The following RAB2B variants were observed in gnomAD, a reference collection of about 807,000 sequenced individuals.
The protein encoded by RAB2B is RAB2B, member RAS oncogene family.
In RAB2B, 20 loss-of-function variants were observed where a neutral mutation model predicts 29.8. The ratio of observed to expected loss-of-function variants is 0.67; its 90% CI spans 0.47 to 0.97. RAB2B has a LOEUF of 0.97. Among genes scored for constraint, RAB2B ranks in the 50% least tolerant of loss-of-function variants. The pLI, the probability that RAB2B is intolerant of heterozygous loss-of-function variation, is 0.00. For missense variants in RAB2B, 218 were observed against 272.0 expected (o/e 0.80, Z 1.40); for synonymous variants, 93 against 91.7 (o/e 1.01, Z -0.08).
chr14:21,468,603 GAAAAA>G (rs35440295), intron 4 of RAB2B, 62 bp downstream of exon 4: 73 of 1,082,308 alleles, frequency 6.7e-5, no homozygotes, highest in Non-Finnish European at 9.5e-5. Flanking sequence ...TCAGTAGATA[GAAAAA>G]AAAAAAAAGC....
chr14:21,466,265 G>A (rs867678440), intron 5 of RAB2B, among the ~76,000 whole-genome samples: 38 of 152,020 alleles, frequency 2.5e-4, no homozygotes, highest in Middle Eastern at 3.2e-3. Flanking sequence ...CAGGCGGATC[G>A]CCTGAGGTCA....
rs772203077 is a variant in RAB2B at position 21,462,447 on chromosome 14, T to A, written c.475-29A>T. On this transcript the variant is annotated intron_variant, in intron 6 of 7. Transcript: ENST00000397762. ...AAAGAGACATAAATCGTATCATCAG[T>A]CTCAAGTTCAGGTAGAGAAATGAGG... The A allele has an allele frequency of 2.4e-5, 37 of 1,567,894 alleles. No homozygotes were observed. The South Asian group carries it at 3.9e-4, about 16-fold the overall frequency.
intron 6 of RAB2B, among the ~76,000 whole-genome samples, chr14:21,463,176 G>A (rs1339610214): frequency 6.6e-6 from 1 of 151,480 alleles, no homozygotes; most frequent in Non-Finnish European, 1.5e-5. Flanking sequence ...TGGGAATCAG[G>A]GTAAAAGAAA....
At position 21,468,342 on chromosome 14, in the gene RAB2B, T is replaced by G. The variant is rs368981855; in HGVS notation, c.362+15A>C. 2.1e-5 allele frequency: 33 copies of G among 1,595,682 alleles called. No homozygotes were observed. In the African/African-American group the frequency reaches 4.0e-4, roughly 19 times the overall value. ...TGACTCCTGTTAACTATTATTCACA[T>G]GGATACAATTTTACCTCTTATTCCC... On this transcript the variant is annotated intron_variant, in intron 5 of 7. Coordinates refer to ENST00000397762, the MANE Select transcript of RAB2B (RefSeq NM_032846.4).
rs975957501 is a variant in RAB2B, at chr14:21,460,633, GAC to G, written c.*561_*562del. On this transcript the variant is annotated 3_prime_UTR_variant, in exon 8 of 8. Coordinates refer to ENST00000397762, the MANE Select transcript of RAB2B (RefSeq NM_032846.4). ...AAAAAAAAATTATTTATTTATTTGAGACAGAGTTTTGCTCTTGTTGCCCAGGC... is the reference window on the plus strand; with the variant it reads ...AAAAAAAAATTATTTATTTATTTGAGAGAGTTTTGCTCTTGTTGCCCAGGC... 1 of 151,608 alleles carries G rather than the reference GAC, an allele frequency of 6.6e-6. No homozygotes were observed. Among genetic ancestry groups the G allele is most frequent in the African/African-American group, 2.5e-5 (1 of 40,336 alleles). The allele number at this position is 151,608 out of a possible 1,614,324, so 9.4% of individuals were successfully genotyped here. A position where few individuals can be genotyped will look rare whatever the true frequency, so the allele number is the denominator to read the frequency against.
chr14:21,469,736 C>T (rs888667300), intron 3 of RAB2B, among the ~76,000 whole-genome samples: 11 of 152,154 alleles, frequency 7.2e-5, no homozygotes, highest in Non-Finnish European at 1.5e-4. Flanking sequence ...TTATAGGTTA[C>T]AAATGGGAGA....
At chr14:21,468,955 A>G (rs1890746131) in intron 3 of RAB2B, among the ~76,000 whole-genome samples, 1 of 151,316 alleles carries the variant, frequency 6.6e-6, no homozygotes, top group Non-Finnish European at 1.5e-5. Context: ...GAGTGCATTG[A>G]TATTTTGGGC....
At position 21,460,080 on chromosome 14, in the gene RAB2B, T is replaced by A; in HGVS notation, c.*1116A>T. 1 of 507,300 alleles carries A rather than the reference T, an allele frequency of 2.0e-6. No homozygotes were observed. Among genetic ancestry groups the A allele is most frequent in the South Asian group, 1.4e-5 (1 of 69,954 alleles). The allele number at this position is 507,300 out of a possible 1,614,324, so 31.4% of individuals were successfully genotyped here. A position where few individuals can be genotyped will look rare whatever the true frequency, so the allele number is the denominator to read the frequency against. ...AATAGGATAGTAGAGAAGTACTCAG[T>A]GCTCTTGGGCAAGTAGAGGAAACTG... On this transcript the variant is annotated 3_prime_UTR_variant, in exon 8 of 8. Coordinates refer to ENST00000397762, the MANE Select transcript of RAB2B (RefSeq NM_032846.4).
In RAB2B at chr14:21,460,855, T is replaced by C; in HGVS notation, c.*341A>G. 4.4e-5 allele frequency: 7 copies of C among 159,292 alleles called. No individual in the cohort carries two copies. Among genetic ancestry groups the C allele is most frequent in the South Asian group, 1.9e-4 (1 of 5,270 alleles). The allele number at this position is 159,292 out of a possible 1,614,324, so 9.9% of individuals were successfully genotyped here. A position where few individuals can be genotyped will look rare whatever the true frequency, so the allele number is the denominator to read the frequency against. On this transcript the variant is annotated 3_prime_UTR_variant, in exon 8 of 8. Transcript: ENST00000397762. ...CTCGAACTCTTGACCTCAGGTGATC[T>C]GCCCACCTTGGCCTCCCAAAGTGCT...
At chr14:21,461,332 A>G in intron 7 of RAB2B, 29 bp from the exon 8 acceptor site, 1 of 1,532,222 alleles carries the variant, frequency 6.5e-7, no homozygotes, top group Non-Finnish European at 9.0e-7. Context: ...AATAGTTCCC[A>G]CCTCAGTGTT....
At position 21,463,763 on chromosome 14, in the gene RAB2B, G is replaced by C; in HGVS notation, c.367C>G (p.Leu123Val). The change falls in exon 6 of 8, where the codon CTA becomes GTA. Residue 123 changes from leucine to valine, a missense_variant. Coordinates refer to ENST00000397762, the MANE Select transcript of RAB2B (RefSeq NM_032846.4). ...CTCTTCACATCCCTGCGGGACTCTA[G>C]GTCACTGCAAGAGATTAATTAAGGA... is the stretch of plus-strand genomic sequence containing the variant. ...VIMLIGNKSD[L>V]ESRRDVKREE... 1.3e-6 allele frequency: 2 copies of C among 1,592,730 alleles called. No homozygotes were observed. The highest frequency in any genetic ancestry group is 1.7e-6 in the Non-Finnish European group (2 of 1,162,234).
rs1419868509 is a variant in RAB2B, at chr14:21,459,633, A to G, written c.*1563T>C. ...ACCATATTTACATAGTAACATACAT[A>G]AAAATAAATATACATATAAATAGAC... On this transcript the variant is annotated 3_prime_UTR_variant, in exon 8 of 8. Coordinates refer to ENST00000397762, the MANE Select transcript of RAB2B (RefSeq NM_032846.4). The G allele has an allele frequency of 6.6e-6, 1 of 152,288 alleles. No homozygotes were observed. The highest frequency in any genetic ancestry group is 2.4e-5 in the African/African-American group (1 of 41,460). 9.4% of individuals were successfully genotyped at this position (152,288 alleles called of 1,614,324 possible). A position where few individuals can be genotyped will look rare whatever the true frequency, so the allele number is the denominator to read the frequency against.
intron 3 of RAB2B, among the ~76,000 whole-genome samples, chr14:21,473,438 G>C (rs1890868014): frequency 6.6e-6 from 1 of 152,156 alleles, no homozygotes; most frequent in African/African-American, 2.4e-5. Context: ...AATTTATCTG[G>C]ATAGGGCAAA....
At chr14:21,468,473 T>C (rs752130827) in intron 4 of RAB2B, 24 bp from the exon 5 acceptor site, 18 of 1,604,510 alleles carry the variant, frequency 1.1e-5, no homozygotes, top group Non-Finnish European at 1.4e-5. Context: ...ATTTAGAATG[T>C]GGGTCAGAGA....
At chr14:21,476,806 G>A (rs1453475527) in intron 1 of RAB2B, 21 bp downstream of exon 1, 3 of 1,608,424 alleles carry the variant, frequency 1.9e-6, no homozygotes, top group Non-Finnish European at 1.7e-6. Context: ...GAGCCTTGAA[G>A]GCGAACCACC....
intron 7 of RAB2B, 55 bp from the exon 8 acceptor site, chr14:21,461,358 C>T (rs761825806): frequency 2.0e-5 from 24 of 1,183,058 alleles, no homozygotes; most frequent in Non-Finnish European, 2.8e-5. Flanking sequence ...GAATGAGAGA[C>T]AGGAGGGGGC....
Position 21,459,189 on chromosome 14 carries a change from G to A in RAB2B, c.*2007C>T, listed in dbSNP as rs1171469439. Reference sequence around the variant, plus strand: ...TGCATGATGAGTGAAGCAAAGGCAAGTTTGGCTAAGATAGTATTATATGCT... The same window carrying A: ...TGCATGATGAGTGAAGCAAAGGCAAATTTGGCTAAGATAGTATTATATGCT... On this transcript the variant is annotated 3_prime_UTR_variant, in exon 8 of 8. Transcript: ENST00000397762. 1 of 152,250 alleles carries A rather than the reference G, an allele frequency of 6.6e-6. No homozygotes were observed. 9.4% of individuals were successfully genotyped at this position (152,250 alleles called of 1,614,324 possible). A position where few individuals can be genotyped will look rare whatever the true frequency, so the allele number is the denominator to read the frequency against.
rs2139596042 is a variant in RAB2B, at chr14:21,465,044, G to A, written c.363-1277C>T. On this transcript the variant is annotated intron_variant, in intron 5 of 7. Transcript: ENST00000397762. ...AAAACAAACTGAAGAATAAGGCAAG[G>A]TTGGGCTGTTTGTGATTCGTATTTT... 2.6e-5 allele frequency among the ~76,000 whole-genome samples: 4 copies of A among 152,204 alleles called. No individual in the cohort carries two copies. The Middle Eastern group carries it at 0.014, about 518-fold the overall frequency.
chr14:21,476,290 T>C, intron 2 of RAB2B: 1 of 448,794 alleles, frequency 2.2e-6, no homozygotes. Context: ...GAAAAAAAAT[T>C]ATATGACGAG....
Sources: gnomAD v4.1 joint callset for allele counts (sites outside exome capture counted in the v4.1 genomes callset) on GRCh38, gnomAD v4.1.1 for gene constraint, MANE v1.5 for transcripts, NCBI Gene and HGNC (gene_info 2026-07-23, HGNC 2026-07-21) for gene names.